The following DPP6 variants were observed in gnomAD, a reference collection of about 807,000 sequenced individuals.
The protein encoded by DPP6 is A-type potassium channel modulatory protein DPP6.
In DPP6, 69 loss-of-function variants were observed where a neutral mutation model predicts 122.6. The ratio of observed to expected loss-of-function variants is 0.56; its 90% confidence interval spans 0.46 to 0.69. DPP6 has a LOEUF of 0.69. Ranked by LOEUF, DPP6 falls within the 30% of genes least tolerant of loss-of-function variation. DPP6 has a pLI of 0.00. For synonymous variants in DPP6, 418 were observed against 433.1 expected, an observed-to-expected ratio of 0.97 and a Z score of 0.43; for missense variants, 928 against 1,116.9, an observed-to-expected ratio of 0.83 and a Z score of 2.41.
chr7:153,929,995 C>T (rs1301714328), intron 1 of DPP6, among the ~76,000 whole-genome samples: 2 of 152,218 alleles, frequency 1.3e-5, no homozygotes, highest in African/African-American at 4.8e-5. Context: ...CCTATCCTTG[C>T]ATCCTCTTTT....
At chr7:154,432,500 C>A (rs991987047) in intron 1 of DPP6, among the ~76,000 whole-genome samples, 4 of 152,158 alleles carry the variant, frequency 2.6e-5, no homozygotes, top group African/African-American at 9.7e-5. Context: ...AGATTCTTTT[C>A]TCTTAACAAT....
At chr7:154,064,146 C>T (rs1214281044) in intron 1 of DPP6, among the ~76,000 whole-genome samples, 2 of 152,142 alleles carry the variant, frequency 1.3e-5, no homozygotes, top group East Asian at 3.9e-4. Context: ...CACTCATCTA[C>T]CCTGTACCCC....
intron 1 of DPP6, among the ~76,000 whole-genome samples, chr7:154,116,379 C>T (rs1397388525): frequency 3.9e-5 from 6 of 152,196 alleles, no homozygotes; most frequent in Non-Finnish European, 7.4e-5. Context: ...CTTTTGAATA[C>T]ACCCCTTGCT....
intron 16 of DPP6, among the ~76,000 whole-genome samples, chr7:154,826,647 G>A (rs573340024): frequency 1.4e-4 from 22 of 152,284 alleles, no homozygotes; most frequent in Non-Finnish European, 2.8e-4. Context: ...CAACGACAAA[G>A]CCTAAATAGG....
intron 1 of DPP6, among the ~76,000 whole-genome samples, chr7:154,372,251 G>C (rs557636647): frequency 6.6e-6 from 1 of 152,194 alleles, no homozygotes; most frequent in African/African-American, 2.4e-5. Context: ...TGCATGAAGC[G>C]TAACACAGGG....
intron 16 of DPP6, among the ~76,000 whole-genome samples, chr7:154,850,806 C>T (rs986948390): frequency 7.9e-5 from 12 of 152,122 alleles, no homozygotes; most frequent in Non-Finnish European, 2.9e-5. Context: ...TCTTTCATTT[C>T]TGATTTTATT....
intron 1 of DPP6, among the ~76,000 whole-genome samples, chr7:154,075,360 C>T (rs560488650): frequency 2.6e-5 from 4 of 151,960 alleles, no homozygotes; most frequent in East Asian, 1.9e-4. Context: ...CTTGCACGCA[C>T]GCCTATAGCA....
At chr7:154,174,878 C>T (rs7794112) in intron 1 of DPP6, among the ~76,000 whole-genome samples, 113,274 of 144,648 alleles carry the variant, frequency 0.78, 44,463 homozygotes, top group East Asian at 0.95. Flanking sequence ...TTCTTTCTTT[C>T]TTTTTTTTTT....
intron 16 of DPP6, among the ~76,000 whole-genome samples, chr7:154,823,372 AAAT>A (rs61174817): frequency 0.61 from 92,091 of 151,762 alleles, 31,061 homozygotes; most frequent in Non-Finnish European, 0.76. Context: ...CCTAACTGTA[AAAT>A]AATAATAACC....
intron 1 of DPP6, among the ~76,000 whole-genome samples, chr7:153,985,868 G>T (rs576462027): frequency 6.6e-6 from 1 of 152,252 alleles, no homozygotes; most frequent in South Asian, 2.1e-4. Flanking sequence ...CTATGAAAAA[G>T]AAAACTCTTT....
At chr7:154,622,277 A>C (rs1304144314) in intron 5 of DPP6, among the ~76,000 whole-genome samples, 1 of 152,154 alleles carries the variant, frequency 6.6e-6, no homozygotes, top group Non-Finnish European at 1.5e-5. Context: ...GCTCAAGAAG[A>C]TGTTACAGAG....
chr7:154,672,645 A>C (rs1838637722), intron 7 of DPP6, among the ~76,000 whole-genome samples: 1 of 152,200 alleles, frequency 6.6e-6, no homozygotes, highest in African/African-American at 2.4e-5. Context: ...TTAGTACCAA[A>C]GGTGCTATAT....
chr7:154,454,984 T>A (rs1820700899), intron 2 of DPP6, among the ~76,000 whole-genome samples: 1 of 152,120 alleles, frequency 6.6e-6, no homozygotes, highest in Admixed American at 6.5e-5. Context: ...GTGTCCGTAT[T>A]GTTTCACAAG....
At chr7:154,053,959 C>T (rs1800609333) in intron 1 of DPP6, among the ~76,000 whole-genome samples, 1 of 148,102 alleles carries the variant, frequency 6.8e-6, no homozygotes. Context: ...GCTGCTAGGA[C>T]TTAGAAGGGA....
intron 1 of DPP6, among the ~76,000 whole-genome samples, chr7:154,183,546 G>A (rs1798201123): frequency 6.6e-6 from 1 of 152,128 alleles, no homozygotes; most frequent in South Asian, 2.1e-4. Context: ...CATGCAAAAT[G>A]CTGCGCAGAG....
chr7:154,660,047 A>T (rs973809035), intron 6 of DPP6, among the ~76,000 whole-genome samples: 1 of 151,750 alleles, frequency 6.6e-6, no homozygotes, highest in Non-Finnish European at 1.5e-5. Flanking sequence ...GTGTGGATCT[A>T]TGGAAACTCC....
At chr7:153,925,699 C>T (rs143833306) in intron 1 of DPP6, among the ~76,000 whole-genome samples, 96 of 152,184 alleles carry the variant, frequency 6.3e-4, no homozygotes, top group Admixed American at 1.9e-3. Context: ...GGAGATCATC[C>T]CACATGGTAG....
In DPP6 at chr7:154,880,900, G is replaced by A. The variant is rs763125837; in HGVS notation, c.2091G>A (p.Lys697=). Residue 697 remains lysine, a synonymous_variant, in exon 21 of 26, where the codon AAG becomes AAA. Transcript: ENST00000377770. ...CTCGACCTCACAGGACGATGCTGAA[G>A]GAGCAGTACATTGACAGGACGCGCG... ...DQMEAVRTML[K]EQYIDRTRVA... is the part of the protein sequence containing the mutation. 1.2e-6 allele frequency: 2 copies of A among 1,614,026 alleles called. No individual in the cohort carries two copies. The highest frequency in any genetic ancestry group is 2.2e-5 in the South Asian group (2 of 91,078).
In DPP6 at chr7:154,060,899, G is replaced by A. The variant is rs1466370319; in HGVS notation, c.243+7836G>A. On this transcript the variant is annotated intron_variant, in intron 1 of 25. Coordinates refer to ENST00000377770, the MANE Select transcript of DPP6 (RefSeq NM_130797.4). ...AGAGTGGGGAGGCACCCCCCACGAGGCGGGGACTGAGAGCCAGACCCTCTT... is the reference window on the plus strand; with the variant it reads ...AGAGTGGGGAGGCACCCCCCACGAGACGGGGACTGAGAGCCAGACCCTCTT... Among the ~76,000 whole-genome samples, 2 of 145,874 alleles carry A rather than the reference G, an allele frequency of 1.4e-5. 1 individual carries two copies. Among genetic ancestry groups the A allele is most frequent in the Non-Finnish European group, 3.1e-5 (2 of 64,912 alleles).
Sources: allele counts gnomAD v4.1 joint callset (sites outside exome capture counted in the v4.1 genomes callset), GRCh38; gene constraint gnomAD v4.1.1; transcripts MANE v1.5; gene names NCBI Gene and HGNC (gene_info 2026-07-23, HGNC 2026-07-21).